Variants in AEBP2 observed in about 807,000 individuals in gnomAD.
AEBP2 encodes the protein zinc finger protein AEBP2.
In AEBP2, 10 loss-of-function variants were observed where a neutral mutation model predicts 50.8. The observed-to-expected ratio is 0.20, with a 90% CI of 0.12 to 0.33. The LOEUF (loss-of-function observed/expected upper bound fraction) is 0.33. Ranked by LOEUF, AEBP2 falls within the 10% of genes least tolerant of loss-of-function variation. The pLI, the probability that AEBP2 is intolerant of heterozygous loss-of-function variation, is 1.00. For missense variants in AEBP2, 570 were observed against 688.0 expected, an observed-to-expected ratio of 0.83 and a Z score of 1.92; for synonymous variants, 296 against 261.3, an observed-to-expected ratio of 1.13 and a Z score of -1.28.
At chr12:19,504,198 A>C (rs765356864) in intron 5 of AEBP2, among the ~76,000 whole-genome samples, 2 of 151,548 alleles carry the variant, frequency 1.3e-5, no homozygotes, top group Admixed American at 6.6e-5. Context: ...CTAGGAACTA[A>C]AAAGGTTGTA....
At chr12:19,466,012 G>A (rs576459650) in intron 2 of AEBP2, among the ~76,000 whole-genome samples, 1 of 151,624 alleles carries the variant, frequency 6.6e-6, no homozygotes, top group Admixed American at 6.6e-5. Context: ...GGCTGGTCTC[G>A]AACTCCTGAT....
intron 1 of AEBP2, among the ~76,000 whole-genome samples, chr12:19,408,736 C>A (rs536443608): frequency 6.6e-6 from 1 of 151,694 alleles, no homozygotes; most frequent in East Asian, 2.0e-4. Context: ...CCCGTCTCTA[C>A]TAAAAAAATG....
Position 19,511,397 on chromosome 12 carries a change from G to A in AEBP2, c.1300-1001G>A, listed in dbSNP as rs541439383. Among the ~76,000 whole-genome samples, 14 of 151,872 alleles carry A rather than the reference G, an allele frequency of 9.2e-5. 1 individual carries two copies. In the South Asian group the frequency reaches 2.5e-3, roughly 27 times the overall value. On this transcript the variant is annotated intron_variant, in intron 5 of 7. Transcript: ENST00000266508. ...TAGTTTGGGAAACTGTTCTCAGTAT[G>A]AGGCTAAAGGCGTTCAAGGCAGAAA...
intron 1 of AEBP2, among the ~76,000 whole-genome samples, chr12:19,415,316 CAAAAAAAAAAAAAAAA>C (rs869125193): frequency 4.0e-3 from 237 of 59,396 alleles, no homozygotes; most frequent in East Asian, 0.01. Flanking sequence ...GACCCTGTCT[CAAAAAAAAAAAAAAAA>C]AAAAAAAAAA....
chr12:19,465,912 A>T (rs1315968757), intron 2 of AEBP2, among the ~76,000 whole-genome samples: 1 of 150,066 alleles, frequency 6.7e-6, no homozygotes, highest in Non-Finnish European at 1.5e-5. Flanking sequence ...CTGCCTCAGC[A>T]TCTTGAGTAG....
intron 1 of AEBP2, among the ~76,000 whole-genome samples, chr12:19,441,387 A>T (rs775088077): frequency 6.6e-6 from 1 of 152,214 alleles, no homozygotes; most frequent in Non-Finnish European, 1.5e-5. Context: ...AATCACATGC[A>T]TATTATGCCA....
chr12:19,438,625 A>T (rs1947886696), upstream of AEBP2, among the ~76,000 whole-genome samples: 1 of 152,232 alleles, frequency 6.6e-6, no homozygotes, highest in Admixed American at 6.5e-5. Flanking sequence ...TAAGAGCTTT[A>T]TGATCACAGA....
At chr12:19,471,751 G>A (rs1411844485) in intron 2 of AEBP2, among the ~76,000 whole-genome samples, 2 of 151,796 alleles carry the variant, frequency 1.3e-5, no homozygotes, top group Non-Finnish European at 2.9e-5. Flanking sequence ...GGCTGGTCTC[G>A]AACTCCTGAG....
rs571706304 is a variant in AEBP2, at chr12:19,490,170, G to C, written c.988-3630G>C. Reference sequence around the variant, plus strand: ...ACTCTTGATGGTAACATTACTCTCTGAGTTCTAGATGCTACTAGGGCCTAT... The same window carrying C: ...ACTCTTGATGGTAACATTACTCTCTCAGTTCTAGATGCTACTAGGGCCTAT... On this transcript the variant is annotated intron_variant, in intron 3 of 7. Transcript: ENST00000266508. Among the ~76,000 whole-genome samples, 175 of 151,782 alleles carry C rather than the reference G, an allele frequency of 1.2e-3. 1 individual carries two copies. In the Middle Eastern group the frequency reaches 0.027, roughly 24 times the overall value.
intron 5 of AEBP2, among the ~76,000 whole-genome samples, chr12:19,501,978 A>G (rs942860339): frequency 2.6e-5 from 4 of 152,104 alleles, no homozygotes; most frequent in African/African-American, 9.7e-5. Context: ...TTTACGTAGT[A>G]TCGACTTAAT....
chr12:19,430,198 T>G (rs2095750710), intron 1 of AEBP2, among the ~76,000 whole-genome samples: 2 of 152,216 alleles, frequency 1.3e-5, no homozygotes, highest in African/African-American at 4.8e-5. Context: ...TACATATGGC[T>G]AGCCAGTTTT....
At chr12:19,444,604 A>G (rs1335173709) in intron 1 of AEBP2, among the ~76,000 whole-genome samples, 1 of 152,200 alleles carries the variant, frequency 6.6e-6, no homozygotes, top group Admixed American at 6.5e-5. Context: ...TGAGTAGTAT[A>G]TCTTTGAACT....
intron 1 of AEBP2, among the ~76,000 whole-genome samples, chr12:19,407,646 C>T (rs528970868): frequency 1.3e-5 from 2 of 151,996 alleles, no homozygotes; most frequent in African/African-American, 4.8e-5. Flanking sequence ...ACTATGTTGC[C>T]CAGGCTGGTC....
In AEBP2 at chr12:19,512,563, A is replaced by C. The variant is rs1949249498; in HGVS notation, c.1367+98A>C. ...TTATTTATTAAATTCAAATAAAAAGAAATTACATTTTACAACGTTTTGAGG... is the reference window on the plus strand; with the variant it reads ...TTATTTATTAAATTCAAATAAAAAGCAATTACATTTTACAACGTTTTGAGG... On this transcript the variant is annotated intron_variant, in intron 6 of 7. Transcript: ENST00000266508. 3 of 859,778 alleles carry C rather than the reference A, an allele frequency of 3.5e-6. No individual in the cohort carries two copies. The South Asian group carries it at 5.8e-5, about 17-fold the overall frequency. 53.3% of individuals were successfully genotyped at this position (859,778 alleles called of 1,614,324 possible).
chr12:19,482,035 T>C (rs1436221169), intron 3 of AEBP2, among the ~76,000 whole-genome samples: 1 of 152,234 alleles, frequency 6.6e-6, no homozygotes, highest in Non-Finnish European at 1.5e-5. Flanking sequence ...TTTGTCATAT[T>C]ACCAGAATTA....
At chr12:19,513,762 C>G (rs138076535) in intron 6 of AEBP2, among the ~76,000 whole-genome samples, 1 of 151,926 alleles carries the variant, frequency 6.6e-6, no homozygotes, top group African/African-American at 2.4e-5. Context: ...AGACCCTGTT[C>G]AAAAAAGTCA....
intron 7 of AEBP2, among the ~76,000 whole-genome samples, chr12:19,516,338 T>G (rs1949317795): frequency 6.6e-6 from 1 of 152,086 alleles, no homozygotes; most frequent in Non-Finnish European, 1.5e-5. Context: ...CCTAAAAGAG[T>G]GATATTTTGG....
intron 1 of AEBP2, among the ~76,000 whole-genome samples, chr12:19,452,903 T>C (rs1948188580): frequency 6.6e-6 from 1 of 152,114 alleles, no homozygotes; most frequent in Non-Finnish European, 1.5e-5. Flanking sequence ...TTTGTATCAT[T>C]GTAATGTTTA....
Position 19,518,450 on chromosome 12 carries a change from T to C in AEBP2, c.*333T>C, listed in dbSNP as rs1018219672. 27 of 1,233,996 alleles carry C rather than the reference T, an allele frequency of 2.2e-5. No homozygotes were observed. In the African/African-American group the frequency reaches 3.6e-4, roughly 16 times the overall value. The allele number at this position is 1,233,996 out of a possible 1,614,324, so 76.4% of individuals were successfully genotyped here. On this transcript the variant is annotated 3_prime_UTR_variant, in exon 8 of 8. Coordinates refer to ENST00000266508, the MANE Select transcript of AEBP2 (RefSeq NM_153207.5). ...CTGCTTTAAGCTGCTTTTTTTTTTCTTTTCTTCCCTTTAGTGATTTCAGTA... is the reference window on the plus strand; with the variant it reads ...CTGCTTTAAGCTGCTTTTTTTTTTCCTTTCTTCCCTTTAGTGATTTCAGTA...
Sources: gnomAD v4.1 joint callset for allele counts (sites outside exome capture counted in the v4.1 genomes callset) on GRCh38, gnomAD v4.1.1 for gene constraint, MANE v1.5 for transcripts, NCBI Gene and HGNC (gene_info 2026-07-23, HGNC 2026-07-21) for gene names.